The following CCDC146 variants were observed in gnomAD, a reference collection of about 807,000 sequenced individuals.
CCDC146 encodes the protein coiled-coil domain containing 146.
CCDC146 carries 92 observed loss-of-function variants against 119.3 expected under a neutral mutation model. The observed-to-expected ratio is 0.77, with a 90% confidence interval of 0.65 to 0.92. The LOEUF is 0.92. CCDC146 is among the 40% of genes least tolerant of loss of function. CCDC146 has a pLI of 0.00. For missense variants in CCDC146, 1,000 were observed against 1,103.0 expected (o/e 0.91, Z 1.32); for synonymous variants, 372 against 371.8 (o/e 1.00, Z -0.01).
chr7:77,289,033 G>A (rs536509096), intron 17 of CCDC146, among the ~76,000 whole-genome samples: 11 of 137,454 alleles, frequency 8.0e-5, no homozygotes, highest in African/African-American at 2.7e-4. Flanking sequence ...GATCAGGCCA[G>A]TGGCAGGTGT....
chr7:77,144,904 CT>C (rs1305130603), intron 1 of CCDC146, among the ~76,000 whole-genome samples: 1 of 151,642 alleles, frequency 6.6e-6, no homozygotes. Context: ...CTCTGCCAGC[CT>C]TTGGTATCAG....
At chr7:77,258,920 C>A in intron 6 of CCDC146, 75 bp from the exon 7 acceptor site, 1 of 945,096 alleles carries the variant, frequency 1.1e-6, no homozygotes, top group Non-Finnish European at 1.7e-6. Context: ...CTTTCTCTCT[C>A]ATATTTAATT....
rs775213083 is a variant in CCDC146, at chr7:77,287,571, C to G, written c.2409C>G (p.Ala803=). The G allele has an allele frequency of 4.3e-6, 7 of 1,613,164 alleles. No individual in the cohort carries two copies. Among genetic ancestry groups the G allele is most frequent in the Non-Finnish European group, 5.9e-6 (7 of 1,179,838 alleles). ...QGCKQDTLLL[A]KKMNGYQRRI... is the part of the protein sequence containing the mutation. ...GCAAGCAGGACACACTGCTCTTAGCCAAGAAGGTAGGCCTGAGACCCTGCC... is the reference window on the plus strand; with the variant it reads ...GCAAGCAGGACACACTGCTCTTAGCGAAGAAGGTAGGCCTGAGACCCTGCC... Residue 803 remains alanine (A), a synonymous_variant, in exon 17 of 19, where the codon GCC becomes GCG. Coordinates refer to ENST00000285871, the MANE Select transcript of CCDC146 (RefSeq NM_020879.3).
Position 77,287,491 on chromosome 7 carries a change from A to G in CCDC146, c.2329A>G (p.Ile777Val). The G allele has an allele frequency of 6.2e-7, 1 of 1,614,104 alleles. No individual in the cohort carries two copies. The highest frequency in any genetic ancestry group is 8.5e-7 in the Non-Finnish European group (1 of 1,179,976). Reference protein sequence around the residue: ...KEEKLLEKDFIYEQVSRLTDR... With the variant: ...KEEKLLEKDFVYEQVSRLTDR... ...GGAGAAGCTGCTGGAGAAGGATTTC[A>G]TCTATGAGCAGGTCTCCAGGCTCAC... Residue 777 changes from isoleucine to valine, a missense_variant, in exon 17 of 19, where the codon ATC (isoleucine) becomes GTC (valine). By Grantham distance (29) the Ile-to-Val change is conservative. Coordinates refer to ENST00000285871, the MANE Select transcript of CCDC146 (RefSeq NM_020879.3).
chr7:77,125,000 C>G (rs1412144615), intron 1 of CCDC146, among the ~76,000 whole-genome samples: 1 of 151,944 alleles, frequency 6.6e-6, no homozygotes, highest in Non-Finnish European at 1.5e-5. Flanking sequence ...CAGGACCAGC[C>G]TGGCCAACAT....
At chr7:77,242,356 G>A in intron 4 of CCDC146, 1 of 991,688 alleles carries the variant, frequency 1.0e-6, no homozygotes, top group Non-Finnish European at 1.2e-6. Flanking sequence ...ATTCTTCTAA[G>A]AGAGCAGCAA....
At chr7:77,240,447 C>T (rs1235899056) in intron 3 of CCDC146, among the ~76,000 whole-genome samples, 1 of 152,192 alleles carries the variant, frequency 6.6e-6, no homozygotes, top group African/African-American at 2.4e-5. Flanking sequence ...TACCAAAATC[C>T]ATGGATACTC....
In CCDC146 at chr7:77,196,416, G is replaced by A; in HGVS notation, c.156+28592G>A. ...TTACGGACACCTCTGTATTTTTGGT[G>A]ATAATATTTGCCATTTAAGTTTGCA... On this transcript the variant is annotated intron_variant, in intron 2 of 18. Transcript: ENST00000285871. The surrounding 1 kb of genome is among the most constrained non-coding windows in gnomAD (Gnocchi z 4.2). 5 of 1,614,106 alleles carry A rather than the reference G, an allele frequency of 3.1e-6. No homozygotes were observed. The highest frequency in any genetic ancestry group is 4.2e-6 in the Non-Finnish European group (5 of 1,179,996).
intron 9 of CCDC146, among the ~76,000 whole-genome samples, chr7:77,270,662 C>T (rs1003517905): frequency 6.6e-6 from 1 of 152,108 alleles, no homozygotes; most frequent in South Asian, 2.1e-4. Flanking sequence ...GTAATAGAAA[C>T]TCAACTATAA....
chr7:77,210,946 C>T (rs1466249836), intron 2 of CCDC146, among the ~76,000 whole-genome samples: 2 of 152,186 alleles, frequency 1.3e-5, no homozygotes, highest in African/African-American at 2.4e-5. Flanking sequence ...AACCAGCTCC[C>T]ACCAGGTCCC....
At chr7:77,238,039 TTGAGGGTAAAAGCA>T (rs1312101045) in intron 3 of CCDC146, among the ~76,000 whole-genome samples, 1 of 152,192 alleles carries the variant, frequency 6.6e-6, no homozygotes, top group Admixed American at 6.5e-5. Context: ...TTTGGCTACT[TTGAGGGTAAAAGCA>T]TGAGGGAAGA....
intron 9 of CCDC146, among the ~76,000 whole-genome samples, chr7:77,266,516 C>T (rs936385595): frequency 9.9e-5 from 15 of 152,098 alleles, no homozygotes; most frequent in African/African-American, 2.9e-4. Context: ...TGTGTGGTAC[C>T]GAGAAGATAC....
At chr7:77,183,489 C>G (rs567439257) in intron 2 of CCDC146, among the ~76,000 whole-genome samples, 1 of 152,294 alleles carries the variant, frequency 6.6e-6, no homozygotes, top group African/African-American at 2.4e-5. Context: ...ATTTCTTTCT[C>G]CCATGCTCCA....
Position 77,196,587 on chromosome 7 carries a change from TG to T in CCDC146, c.156+28764del, listed in dbSNP as rs763765559. Reference sequence around the variant, plus strand: ...TTGAAACGTAATGCATCTCCAGCTGTGCCATTATAGTTACCAACGTGTAAAC... The same window carrying T: ...TTGAAACGTAATGCATCTCCAGCTGTCCATTATAGTTACCAACGTGTAAAC... On this transcript the variant is annotated intron_variant, in intron 2 of 18. Transcript: ENST00000285871. The surrounding 1 kb of genome is among the most constrained non-coding windows in gnomAD (Gnocchi z 4.2). The T allele has an allele frequency of 6.2e-7, 1 of 1,614,168 alleles. No individual in the cohort carries two copies. The highest frequency in any genetic ancestry group is 8.5e-7 in the Non-Finnish European group (1 of 1,179,998).
intron 14 of CCDC146, among the ~76,000 whole-genome samples, chr7:77,281,522 T>TC (rs1562861370): frequency 2.6e-5 from 4 of 152,244 alleles, no homozygotes; most frequent in African/African-American, 9.6e-5. Flanking sequence ...ATCAGATTTT[T>TC]TTTAAGCAAA....
At chr7:77,200,684 C>T (rs1791971435) in intron 2 of CCDC146, among the ~76,000 whole-genome samples, 1 of 152,204 alleles carries the variant, frequency 6.6e-6, no homozygotes, top group Non-Finnish European at 1.5e-5. Flanking sequence ...TTTCTGTCTC[C>T]ACGCTGGTTC....
intron 16 of CCDC146, chr7:77,287,201 T>A: frequency 1.7e-6 from 1 of 596,346 alleles, no homozygotes; most frequent in Admixed American, 3.0e-5. Context: ...TAATTTGTCT[T>A]CCTGATGGGA....
chr7:77,158,946 C>T (rs1312449180), intron 1 of CCDC146, among the ~76,000 whole-genome samples: 2 of 151,976 alleles, frequency 1.3e-5, no homozygotes, highest in Non-Finnish European at 2.9e-5. Context: ...GTTGGGTTTT[C>T]TTTCACTACT....
chr7:77,137,296 T>G (rs1430672368), intron 1 of CCDC146, among the ~76,000 whole-genome samples: 1 of 143,344 alleles, frequency 7.0e-6, no homozygotes, highest in Non-Finnish European at 1.5e-5. Flanking sequence ...AGACATAGAT[T>G]GGGAAGAAAA....
Sources: gnomAD v4.1 joint callset for allele counts (sites outside exome capture counted in the v4.1 genomes callset) on GRCh38, gnomAD v4.1.1 for gene constraint, Gnocchi (gnomAD v3.1) non-coding constraint, MANE v1.5 for transcripts, NCBI Gene and HGNC (gene_info 2026-07-23, HGNC 2026-07-21) for gene names.